FAF1: variants seen among roughly 807,000 people sequenced by gnomAD.
FAF1 encodes the protein FAS-associated factor 1.
FAF1 carries 25 observed loss-of-function variants against 92.5 expected under a neutral mutation model. The observed-to-expected ratio is 0.27, with a 90% CI of 0.20 to 0.38. FAF1 has a LOEUF of 0.38. FAF1 is among the 10% of genes least tolerant of loss of function. FAF1 has a pLI of 1.00. For synonymous variants in FAF1, 234 were observed against 273.2 expected (o/e 0.86, Z 1.42); for missense variants, 636 against 793.3 (o/e 0.80, Z 2.38).
chr1:50,487,137 A>G (rs1646778501), intron 17 of FAF1, among the ~76,000 whole-genome samples: 1 of 152,216 alleles, frequency 6.6e-6, no homozygotes, highest in Non-Finnish European at 1.5e-5. Context: ...AGTATTCACT[A>G]CATTGCACAG....
chr1:50,472,368 TACACACACACACAC>T (rs71850142), intron 18 of FAF1, among the ~76,000 whole-genome samples: 1,692 of 123,952 alleles, frequency 0.014, 29 homozygotes, highest in African/African-American at 0.046. Context: ...GGGGAAAACA[TACACACACACACAC>T]ACACACACAC....
At chr1:50,764,517 T>C (rs111538500) in intron 4 of FAF1, among the ~76,000 whole-genome samples, 3,044 of 152,266 alleles carry the variant, frequency 0.02, 101 homozygotes, top group African/African-American at 0.07. Context: ...TGCAGGACCG[T>C]TGGGCTCTGC....
At chr1:50,634,226 C>T (rs1157102331) in intron 8 of FAF1, among the ~76,000 whole-genome samples, 1 of 151,936 alleles carries the variant, frequency 6.6e-6, no homozygotes, top group Admixed American at 6.6e-5. Context: ...GTTGTAAGCA[C>T]CCCTCTATTT....
intron 15 of FAF1, among the ~76,000 whole-genome samples, chr1:50,495,948 T>G (rs932998154): frequency 2.0e-5 from 3 of 152,098 alleles, no homozygotes; most frequent in Non-Finnish European, 2.9e-5. Context: ...TCCGAGACAA[T>G]AGCCATTGAA....
In FAF1 at chr1:50,438,448, A is replaced by G. The variant is rs1235716334; in HGVS notation, c.*2992T>C. 5 of 152,260 alleles carry G rather than the reference A, an allele frequency of 3.3e-5. No individual in the cohort carries two copies. The highest frequency in any genetic ancestry group is 6.5e-5 in the Admixed American group (1 of 15,284). 9.4% of individuals were successfully genotyped at this position (152,260 alleles called of 1,614,324 possible). On this transcript the variant is annotated 3_prime_UTR_variant, in exon 19 of 19. Transcript: ENST00000396153. The stretch of plus-strand genomic sequence containing the variant: ...TTTAAAAAGGATCAAAAGAGAAAAT[A>G]CAGGTGAAAGGGTTACACAGACTAT...
chr1:50,691,693 C>A (rs1656933812), intron 7 of FAF1, among the ~76,000 whole-genome samples: 1 of 151,868 alleles, frequency 6.6e-6, no homozygotes, highest in South Asian at 2.1e-4. Context: ...CGGGTTCAAG[C>A]AATTCTCCTG....
intron 18 of FAF1, among the ~76,000 whole-genome samples, chr1:50,459,443 C>T (rs992869192): frequency 6.6e-6 from 1 of 152,312 alleles, no homozygotes; most frequent in South Asian, 2.1e-4. Flanking sequence ...CCCTCAGACT[C>T]AACAAATCCC....
At position 50,608,688 on chromosome 1, in the gene FAF1, G is replaced by A. The variant is rs17106319; in HGVS notation, c.745-12472C>T. ...TCAAATCATTTGTATCACTGACAAC[G>A]AAGTATCTGGAAAAATGTGTCATTG... On this transcript the variant is annotated intron_variant, in intron 8 of 18. Coordinates refer to ENST00000396153, the MANE Select transcript of FAF1 (RefSeq NM_007051.3). Among the ~76,000 whole-genome samples, 7 of 152,248 alleles carry A rather than the reference G, an allele frequency of 4.6e-5. No homozygotes were observed. In the East Asian group the frequency reaches 7.7e-4, roughly 17 times the overall value.
At chr1:50,690,652 TGAA>T (rs1443286439) in intron 7 of FAF1, among the ~76,000 whole-genome samples, 1 of 152,058 alleles carries the variant, frequency 6.6e-6, no homozygotes, top group Non-Finnish European at 1.5e-5. Flanking sequence ...AATAATTATT[TGAA>T]GAAGTTTAAT....
chr1:50,614,814 G>GGCCCC (rs1278346844), intron 8 of FAF1, among the ~76,000 whole-genome samples: 1 of 149,112 alleles, frequency 6.7e-6, no homozygotes, highest in East Asian at 1.9e-4. Context: ...ACTCCAGCCT[G>GGCCCC]GGCCGCAACA....
At position 50,889,288 on chromosome 1, in the gene FAF1, A is replaced by T. The variant is rs1446115531; in HGVS notation, c.46-31291T>A. On this transcript the variant is annotated intron_variant, in intron 1 of 18. Transcript: ENST00000396153. Reference sequence around the variant, plus strand: ...TTATTAGTCTTGCTAGCAGTCTATCAATTTTGCTGATCTTTTAAAAAACCC... The same window carrying T: ...TTATTAGTCTTGCTAGCAGTCTATCTATTTTGCTGATCTTTTAAAAAACCC... 3.3e-5 allele frequency among the ~76,000 whole-genome samples: 5 copies of T among 152,006 alleles called. No homozygotes were observed. In the East Asian group the frequency reaches 7.7e-4, roughly 24 times the overall value.
At chr1:50,936,548 T>C (rs1406897002) in intron 1 of FAF1, among the ~76,000 whole-genome samples, 1 of 152,192 alleles carries the variant, frequency 6.6e-6, no homozygotes, top group Non-Finnish European at 1.5e-5. Flanking sequence ...GCAGAAGGCA[T>C]AGGGCATATA....
rs1223459656 is a variant in FAF1 at position 50,441,239 on chromosome 1, A to T, written c.*201T>A. The T allele has an allele frequency of 6.4e-6, 3 of 466,182 alleles. No individual in the cohort carries two copies. Among genetic ancestry groups the T allele is most frequent in the Non-Finnish European group, 1.1e-5 (3 of 262,676 alleles). The allele number at this position is 466,182 out of a possible 1,614,324, so 28.9% of individuals were successfully genotyped here. A position where few individuals can be genotyped will look rare whatever the true frequency, so the allele number is the denominator to read the frequency against. ...TGGCAGAGTTGTAATTCTCTGTAAT[A>T]AGGGTTGGGAATATATACTCATGGA... is the stretch of plus-strand genomic sequence containing the variant. On this transcript the variant is annotated 3_prime_UTR_variant, in exon 19 of 19. Coordinates refer to ENST00000396153, the MANE Select transcript of FAF1 (RefSeq NM_007051.3).
intron 15 of FAF1, among the ~76,000 whole-genome samples, chr1:50,520,421 C>A (rs1391816756): frequency 6.6e-6 from 1 of 152,206 alleles, no homozygotes; most frequent in Admixed American, 6.5e-5. Context: ...TGTCTACGAT[C>A]TGCAAACTGG....
intron 17 of FAF1, among the ~76,000 whole-genome samples, chr1:50,482,553 C>T (rs1478424677): frequency 6.6e-6 from 1 of 152,116 alleles, no homozygotes; most frequent in African/African-American, 2.4e-5. Flanking sequence ...ATGGTATATG[C>T]ATGTTTAACT....
chr1:50,915,370 C>CAAAAAAAAAAAAA (rs1157402147), intron 1 of FAF1, among the ~76,000 whole-genome samples: 1 of 71,700 alleles, frequency 1.4e-5, no homozygotes, highest in Non-Finnish European at 2.9e-5. Flanking sequence ...AACTCCATCT[C>CAAAAAAAAAAAAA]AAAAAAAAAA....
At chr1:50,835,668 C>A (rs753340548) in intron 2 of FAF1, among the ~76,000 whole-genome samples, 1 of 151,278 alleles carries the variant, frequency 6.6e-6, no homozygotes, top group Non-Finnish European at 1.5e-5. Flanking sequence ...CATCTAAACA[C>A]GGTAGCTGCT....
intron 7 of FAF1, among the ~76,000 whole-genome samples, chr1:50,705,052 T>A (rs1336769616): frequency 6.6e-6 from 1 of 152,216 alleles, no homozygotes; most frequent in Non-Finnish European, 1.5e-5. Context: ...GTTGCTTTCA[T>A]AACTTATAAG....
rs533824244 is a variant in FAF1, at chr1:50,906,621, A to G, written c.46-48624T>C. Among the ~76,000 whole-genome samples, 41 of 152,100 alleles carry G rather than the reference A, an allele frequency of 2.7e-4. 1 individual carries two copies. In the Middle Eastern group the frequency reaches 0.014, roughly 50 times the overall value. On this transcript the variant is annotated intron_variant, in intron 1 of 18. Transcript: ENST00000396153. Reference sequence around the variant, plus strand: ...TCCCTTGTAAGTTGGATTCCTAGGTATTTTGTTCTCTTTGAAGCAATTGTG... The same window carrying G: ...TCCCTTGTAAGTTGGATTCCTAGGTGTTTTGTTCTCTTTGAAGCAATTGTG...
Sources: gnomAD v4.1 joint callset for allele counts (sites outside exome capture counted in the v4.1 genomes callset) on GRCh38, gnomAD v4.1.1 for gene constraint, MANE v1.5 for transcripts, NCBI Gene and HGNC (gene_info 2026-07-23, HGNC 2026-07-21) for gene names.